The following CASP1 variants were observed in gnomAD, a reference collection of about 807,000 sequenced individuals.
CASP1 encodes the protein caspase-1.
Under a neutral mutation model 41.2 loss-of-function variants are expected in CASP1, and 31 were observed. The observed-to-expected ratio is 0.75, with a 90% CI of 0.57 to 1.02. CASP1 has a LOEUF of 1.02. Ranked by LOEUF, CASP1 falls within the 50% of genes least tolerant of loss-of-function variation. The pLI, the probability that CASP1 is intolerant of heterozygous loss-of-function variation, is 0.00. For missense variants in CASP1, 490 were observed against 495.7 expected, an observed-to-expected ratio of 0.99 and a Z score of 0.11; for synonymous variants, 163 against 166.5, an observed-to-expected ratio of 0.98 and a Z score of 0.16.
At position 105,026,867 on chromosome 11, in the gene CASP1, C is replaced by T. The variant is rs1489548377; in HGVS notation, c.1091G>A (p.Cys364Tyr). 1.5e-5 allele frequency: 24 copies of T among 1,606,060 alleles called. No individual in the cohort carries two copies. The highest frequency in any genetic ancestry group is 2.0e-5 in the Non-Finnish European group (23 of 1,172,870). Residue 364 changes from cysteine to tyrosine, a missense_variant, in exon 8 of 9, where the codon TGT becomes TAT. By Grantham distance (194) the Cys-to-Tyr change is radical. Coordinates refer to ENST00000533400, the MANE Select transcript of CASP1 (RefSeq NM_001257118.3). ...IEHMQEYACS[C>Y]DVEEIFRKVR... The stretch of plus-strand genomic sequence containing the variant: ...CTTGCGGAAAATTTCCTCCACATCA[C>T]AGGAACAGGCATATTCTTGCATATG...
At chr11:105,027,166 A>C in intron 7 of CASP1, 1 of 619,644 alleles carries the variant, frequency 1.6e-6, no homozygotes, top group Non-Finnish European at 2.9e-6. Flanking sequence ...CTGTGATTTA[A>C]GTTAATTATG....
At chr11:105,031,913 TAAAC>T (rs1486780782) in intron 3 of CASP1, among the ~76,000 whole-genome samples, 4 of 152,144 alleles carry the variant, frequency 2.6e-5, no homozygotes, top group Non-Finnish European at 4.4e-5. Flanking sequence ...TTTATAGCAC[TAAAC>T]ATTCATTGCA....
At chr11:105,031,120 G>A (rs370258690) in intron 4 of CASP1, 45 bp downstream of exon 4, 11 of 1,086,012 alleles carry the variant, frequency 1.0e-5, no homozygotes, top group South Asian at 2.5e-5. Flanking sequence ...ACTGCCTGAA[G>A]TGTTTCTTTC....
In CASP1 at chr11:105,034,161, C is replaced by T. The variant is rs558517105; in HGVS notation, c.274+47G>A. ...TAGTAAAGAAATCAAATGTTAGGCA[C>T]GAAGACAGGCCCTAGGTGAACTTGA... On this transcript the variant is annotated intron_variant, in intron 2 of 8. Coordinates refer to ENST00000533400, the MANE Select transcript of CASP1 (RefSeq NM_001257118.3). 343 of 1,613,192 alleles carry T rather than the reference C, an allele frequency of 2.1e-4. 1 individual carries two copies. In the South Asian group the frequency reaches 3.0e-3, roughly 14 times the overall value.
At position 105,029,818 on chromosome 11, in the gene CASP1, G is replaced by A. The variant is rs1863564865; in HGVS notation, c.709C>T (p.His237Tyr). Residue 237 changes from histidine to tyrosine, a missense_variant, in exon 6 of 9, where the codon CAT (histidine) becomes TAT (tyrosine). By Grantham distance (83) the His-to-Tyr change is moderately conservative. Coordinates refer to ENST00000533400, the MANE Select transcript of CASP1 (RefSeq NM_001257118.3). Reference protein sequence around the residue: ...SDSTFLVFMSHGIREGICGKK... With the variant: ...SDSTFLVFMSYGIREGICGKK... Reference sequence around the variant, plus strand: ...CCACAAATGCCTTCCCGAATACCATGAGACATGAACACCAGGAACGTGCTG... The same window carrying A: ...CCACAAATGCCTTCCCGAATACCATAAGACATGAACACCAGGAACGTGCTG... 7 of 1,613,778 alleles carry A rather than the reference G, an allele frequency of 4.3e-6. No homozygotes were observed. The highest frequency in any genetic ancestry group is 5.9e-6 in the Non-Finnish European group (7 of 1,179,788).
At chr11:105,025,461 A>T, downstream of CASP1, 2 of 392,730 alleles carry the variant, frequency 5.1e-6, no homozygotes, top group Non-Finnish European at 9.8e-6. Flanking sequence ...TAGTCACTCT[A>T]AGTTCCAGTC....
At chr11:105,032,880 T>A (rs530553805) in intron 3 of CASP1, among the ~76,000 whole-genome samples, 184 bp downstream of exon 3, 57 of 152,292 alleles carry the variant, frequency 3.7e-4, no homozygotes, top group African/African-American at 1.3e-3. Context: ...GAATTTTTAA[T>A]ATAAATGTGG....
rs201549047 is a variant in CASP1, at chr11:105,031,149, G to A, written c.453+16C>T. 1.6e-5 allele frequency: 24 copies of A among 1,467,272 alleles called. No individual in the cohort carries two copies. In the East Asian group the frequency reaches 5.0e-4, roughly 30 times the overall value. 90.9% of individuals were successfully genotyped at this position (1,467,272 alleles called of 1,614,324 possible). A position where few individuals can be genotyped will look rare whatever the true frequency, so the allele number is the denominator to read the frequency against. On this transcript the variant is annotated intron_variant, in intron 4 of 8. Coordinates refer to ENST00000533400, the MANE Select transcript of CASP1 (RefSeq NM_001257118.3). ...TTCTTTCACCCCACTCTATCCTTGG[G>A]TTCTGAGCATGGCACCTCTGCCGAC...
chr11:105,034,756 T>C (rs1202533368), intron 1 of CASP1: 10 of 617,690 alleles, frequency 1.6e-5, no homozygotes, highest in Non-Finnish European at 2.2e-5. Context: ...CTCTGGTTAA[T>C]AAAGTAATGA....
In CASP1 at chr11:105,025,724, A is replaced by G. The variant is rs1863230578; in HGVS notation, c.*534T>C. On this transcript the variant is annotated 3_prime_UTR_variant, in exon 9 of 9. Transcript: ENST00000533400. ...ATTTTAAAAGGAAAGACCACATGCTATGTTTAAATATACCCTGCTGAGGTG... is the reference window on the plus strand; with the variant it reads ...ATTTTAAAAGGAAAGACCACATGCTGTGTTTAAATATACCCTGCTGAGGTG... The G allele has an allele frequency of 3.1e-6, 1 of 323,360 alleles. No individual in the cohort carries two copies. Among genetic ancestry groups the G allele is most frequent in the South Asian group, 2.6e-5 (1 of 37,860 alleles). 20.0% of individuals were successfully genotyped at this position (323,360 alleles called of 1,614,324 possible). A position where few individuals can be genotyped will look rare whatever the true frequency, so the allele number is the denominator to read the frequency against.
At chr11:105,033,299 G>C (rs1475823535) in intron 2 of CASP1, among the ~76,000 whole-genome samples, 173 bp from the exon 3 acceptor site, 2 of 152,202 alleles carry the variant, frequency 1.3e-5, no homozygotes, top group Admixed American at 1.3e-4. Context: ...GGTAGAAAAT[G>C]AAAGAGGCAT....
chr11:105,026,436 A>G (rs1268593362), intron 8 of CASP1, 80 bp from the exon 9 acceptor site: 2 of 854,756 alleles, frequency 2.3e-6, no homozygotes, highest in Admixed American at 4.2e-5. Flanking sequence ...ATGCCAAAAA[A>G]CTACAACAAA....
chr11:105,030,015 G>A (rs1863582488), intron 5 of CASP1, 116 bp from the exon 6 acceptor site: 12 of 834,098 alleles, frequency 1.4e-5, no homozygotes, highest in Non-Finnish European at 2.1e-5. Context: ...CAAACAACAG[G>A]GTGCCAAAAA....
upstream of CASP1, among the ~76,000 whole-genome samples, chr11:105,035,618 G>GTTTTTTTTTTTTTTTTTTTTTTTTTT (rs56746743): frequency 1.2e-3 from 128 of 103,422 alleles, 9 homozygotes; most frequent in East Asian, 1.7e-3. Context: ...TTTTCTTTCT[G>GTTTTTTTTTTTTTTTTTTTTTTTTTT]TTTTTTTTTT....
intron 3 of CASP1, 106 bp from the exon 4 acceptor site, chr11:105,031,386 C>G: frequency 1.6e-6 from 1 of 625,932 alleles, no homozygotes; most frequent in African/African-American, 1.8e-5. Context: ...GAAATGCACT[C>G]TGAGGAGGAC....
intron 4 of CASP1, 72 bp from the exon 5 acceptor site, chr11:105,030,575 A>G (rs541991969): frequency 7.4e-7 from 1 of 1,351,810 alleles, no homozygotes; most frequent in East Asian, 2.3e-5. Flanking sequence ...GGTTTATGAC[A>G]GCTTCCCCTT....
Position 105,035,139 on chromosome 11 carries a change from T to G in CASP1, c.-26A>C. 6.2e-7 allele frequency: 1 copy of G among 1,614,012 alleles called. No homozygotes were observed. The highest frequency in any genetic ancestry group is 8.5e-7 in the Non-Finnish European group (1 of 1,179,900). ...GGCTTTTCTCTCCTCCCTTCTTGTG[T>G]GACTGAAACTGAAAGTATGCTTCGC... is the stretch of plus-strand genomic sequence containing the variant. On this transcript the variant is annotated 5_prime_UTR_variant, in exon 1 of 9. Transcript: ENST00000533400.
chr11:105,031,679 A>AT (rs1291207635), intron 3 of CASP1, among the ~76,000 whole-genome samples: 3 of 152,160 alleles, frequency 2.0e-5, no homozygotes, highest in Non-Finnish European at 4.4e-5. Context: ...TCAGGTCTTA[A>AT]TTTAATCTAC....
chr11:105,026,954 A>G lies in CASP1; in HGVS notation c.1007-3T>C, dbSNP rs769702632. 11 of 1,488,754 alleles carry G rather than the reference A, an allele frequency of 7.4e-6. No homozygotes were observed. Among genetic ancestry groups the G allele is most frequent in the East Asian group, 2.3e-5 (1 of 44,288 alleles). The allele number at this position is 1,488,754 out of a possible 1,614,324, so 92.2% of individuals were successfully genotyped here. A position where few individuals can be genotyped will look rare whatever the true frequency, so the allele number is the denominator to read the frequency against. ...GGGATGTCTCCAAGAAACATTATCT[A>G]TGGATAAAGCACATTTCAAATCTCA... On this transcript the variant is annotated splice_region_variant and splice_polypyrimidine_tract_variant and intron_variant, in intron 7 of 8. Coordinates refer to ENST00000533400, the MANE Select transcript of CASP1 (RefSeq NM_001257118.3).
Sources: gnomAD v4.1 joint callset for allele counts (sites outside exome capture counted in the v4.1 genomes callset) on GRCh38, gnomAD v4.1.1 for gene constraint, MANE v1.5 for transcripts, NCBI Gene and HGNC (gene_info 2026-07-23, HGNC 2026-07-21) for gene names.